Variants in WTAP observed in about 807,000 individuals in gnomAD.
The protein encoded by WTAP is pre-mRNA-splicing regulator WTAP.
A neutral mutation model predicts 50.0 loss-of-function variants in WTAP; 8 were observed. The ratio of observed to expected loss-of-function variants is 0.16; its 90% CI spans 0.09 to 0.29. The LOEUF (loss-of-function observed/expected upper bound fraction) is 0.29, where lower values mean the gene tolerates loss of function less well. WTAP is among the 10% of genes least tolerant of loss of function. WTAP has a pLI of 1.00. For missense variants in WTAP, 295 were observed against 470.7 expected (o/e 0.63, Z 3.45); for synonymous variants, 194 against 169.0 (o/e 1.15, Z -1.15).
At chr6:159,729,424 T>C (rs529907808) in intron 1 of WTAP, among the ~76,000 whole-genome samples, 1 of 152,356 alleles carries the variant, frequency 6.6e-6, no homozygotes, top group East Asian at 1.9e-4. Flanking sequence ...AACTTCATTG[T>C]GTATTGTGTA....
chr6:159,731,927 G>A (rs1415879221), intron 1 of WTAP, among the ~76,000 whole-genome samples: 1 of 152,076 alleles, frequency 6.6e-6, no homozygotes, highest in Non-Finnish European at 1.5e-5. Context: ...TAAGCTTACT[G>A]TTAATTTTAT....
At chr6:159,736,046 A>G (rs1452913624) in intron 1 of WTAP, among the ~76,000 whole-genome samples, 1 of 152,206 alleles carries the variant, frequency 6.6e-6, no homozygotes, top group African/African-American at 2.4e-5. Flanking sequence ...TTAACAAAGG[A>G]AGATCTGGGT....
intron 5 of WTAP, 118 bp downstream of exon 5, chr6:159,743,910 CG>C (rs1779408946): frequency 9.0e-7 from 1 of 1,111,794 alleles, no homozygotes; most frequent in African/African-American, 1.6e-5. Flanking sequence ...TTTATAGGTA[CG>C]TATGCTTTGA....
At chr6:159,738,145 T>G (rs970196348) in intron 2 of WTAP, among the ~76,000 whole-genome samples, 1 of 152,228 alleles carries the variant, frequency 6.6e-6, no homozygotes, top group African/African-American at 2.4e-5. Context: ...ACTATTATCA[T>G]GTCTAGCTTT....
Position 159,748,101 on chromosome 6 carries a change from G to T in WTAP, c.274-90G>T. On this transcript the variant is annotated intron_variant, in intron 5 of 7. Coordinates refer to ENST00000621533, the MANE Select transcript of WTAP (RefSeq NM_001270531.2). The surrounding 1 kb of genome is among the most constrained non-coding windows in gnomAD (Gnocchi z 5.6). ...AGGGGAGGAGCTTAATGAAAGAGTT[G>T]GTAAATCAAGTGAATGGAGGGAGTT... is the stretch of plus-strand genomic sequence containing the variant. 2 of 1,455,848 alleles carry T rather than the reference G, an allele frequency of 1.4e-6. No homozygotes were observed. Among genetic ancestry groups the T allele is most frequent in the African/African-American group, 1.4e-5 (1 of 70,886 alleles). The allele number at this position is 1,455,848 out of a possible 1,614,324, so 90.2% of individuals were successfully genotyped here. A position where few individuals can be genotyped will look rare whatever the true frequency, so the allele number is the denominator to read the frequency against.
intron 3 of WTAP, 72 bp downstream of exon 3, chr6:159,739,117 C>A: frequency 8.1e-7 from 1 of 1,237,650 alleles, no homozygotes; most frequent in South Asian, 1.4e-5. Flanking sequence ...CTGTAATTGT[C>A]TTTGTGCCAG....
chr6:159,753,991 C>T (rs937549501), intron 7 of WTAP, among the ~76,000 whole-genome samples: 5 of 152,098 alleles, frequency 3.3e-5, no homozygotes, highest in East Asian at 1.9e-4. Context: ...CAGTTTTCAG[C>T]GATCTGAAAG....
In WTAP at chr6:159,748,973, A is replaced by C. The variant is rs1374703653; in HGVS notation, c.452+604A>C. On this transcript the variant is annotated intron_variant, in intron 6 of 7. Coordinates refer to ENST00000621533, the MANE Select transcript of WTAP (RefSeq NM_001270531.2). The surrounding 1 kb of genome is among the most constrained non-coding windows in gnomAD (Gnocchi z 5.6). ...TTAAAGGGTTTATTTGCTGAGAACC[A>C]ACTTTCAATAGTCATGAGAGAATCA... is the stretch of plus-strand genomic sequence containing the variant. The C allele has an allele frequency of 9.5e-7, 1 of 1,055,686 alleles. No individual in the cohort carries two copies. The highest frequency in any genetic ancestry group is 1.1e-6 in the Non-Finnish European group (1 of 876,056). The allele number at this position is 1,055,686 out of a possible 1,614,324, so 65.4% of individuals were successfully genotyped here. A position where few individuals can be genotyped will look rare whatever the true frequency, so the allele number is the denominator to read the frequency against.
At chr6:159,733,785 G>A (rs1326485738) in intron 1 of WTAP, among the ~76,000 whole-genome samples, 2 of 151,680 alleles carry the variant, frequency 1.3e-5, no homozygotes, top group East Asian at 2.0e-4. Context: ...GCGTGGTGGC[G>A]CATGCCTGTA....
At chr6:159,737,450 T>A (rs1441436393) in intron 2 of WTAP, among the ~76,000 whole-genome samples, 1 of 152,122 alleles carries the variant, frequency 6.6e-6, no homozygotes, top group African/African-American at 2.4e-5. Flanking sequence ...AGGAAAAAAA[T>A]TTAAGTGTCT....
chr6:159,740,764 C>T (rs1011921101), intron 3 of WTAP, among the ~76,000 whole-genome samples: 8 of 148,182 alleles, frequency 5.4e-5, no homozygotes, highest in African/African-American at 1.3e-4. Context: ...AATGCAGTTG[C>T]GCGATCTCGG....
chr6:159,746,819 A>C (rs1474410980), intron 5 of WTAP, among the ~76,000 whole-genome samples: 1 of 152,232 alleles, frequency 6.6e-6, no homozygotes, highest in Non-Finnish European at 1.5e-5. Context: ...CTTCCCTAGA[A>C]CATGGAATTT....
At chr6:159,732,884 A>AGTGTG (rs1562452316) in intron 1 of WTAP, among the ~76,000 whole-genome samples, 1 of 83,418 alleles carries the variant, frequency 1.2e-5, no homozygotes, top group South Asian at 5.5e-4. Flanking sequence ...GTATATATAT[A>AGTGTG]TAGTGTGTGT....
chr6:159,729,371 T>G (rs1337619978), intron 1 of WTAP, among the ~76,000 whole-genome samples: 1 of 152,232 alleles, frequency 6.6e-6, no homozygotes, highest in African/African-American at 2.4e-5. Context: ...TTGTAGTTAC[T>G]AAGCTTAACA....
At chr6:159,753,325 A>ACAC in intron 6 of WTAP, 135 bp from the exon 7 acceptor site, 1 of 1,247,060 alleles carries the variant, frequency 8.0e-7, no homozygotes, top group East Asian at 2.5e-5. Flanking sequence ...CCCAGAAAAG[A>ACAC]AGATGGTAAT....
chr6:159,735,672 C>T (rs1466296618), intron 1 of WTAP, among the ~76,000 whole-genome samples: 1 of 152,044 alleles, frequency 6.6e-6, no homozygotes, highest in African/African-American at 2.4e-5. Context: ...TTGCTTGAAC[C>T]CTGGAGGCGG....
chr6:159,727,854 C>T (rs1390647609), intron 1 of WTAP, among the ~76,000 whole-genome samples, 151 bp downstream of exon 1: 1 of 152,350 alleles, frequency 6.6e-6, no homozygotes, highest in South Asian at 2.1e-4. Flanking sequence ...GCCGCTCTAC[C>T]TTCCCGCCTG....
At chr6:159,735,649 T>G (rs190467797) in intron 1 of WTAP, among the ~76,000 whole-genome samples, 2 of 152,210 alleles carry the variant, frequency 1.3e-5, no homozygotes, top group Admixed American at 1.3e-4. Context: ...TTTAGGGGGC[T>G]GAGGCAGGAG....
chr6:159,754,697 T>C (rs1027344853), intron 7 of WTAP, among the ~76,000 whole-genome samples: 4 of 152,218 alleles, frequency 2.6e-5, no homozygotes, highest in African/African-American at 7.2e-5. Flanking sequence ...TTTACTGTAT[T>C]GTTTGGGGGA....
Sources: allele counts gnomAD v4.1 joint callset (sites outside exome capture counted in the v4.1 genomes callset), GRCh38; gene constraint gnomAD v4.1.1; non-coding constraint Gnocchi (gnomAD v3.1); transcripts MANE v1.5; gene names NCBI Gene and HGNC (gene_info 2026-07-23, HGNC 2026-07-21).